Variants in DNAJA3 observed in about 807,000 individuals in gnomAD.
The protein encoded by DNAJA3 is DnaJ heat shock protein family (Hsp40) member A3.
DNAJA3 carries 29 observed loss-of-function variants against 54.9 expected under a neutral mutation model. The observed-to-expected ratio is 0.53, with a 90% CI of 0.39 to 0.72. DNAJA3 has a LOEUF of 0.72. Among genes scored for constraint, DNAJA3 ranks in the 30% least tolerant of loss-of-function variants. The probability of loss-of-function intolerance (pLI) is 0.00; values close to 1 mark genes in which losing one functional copy is unlikely to be tolerated. For synonymous variants in DNAJA3, 302 were observed against 251.4 expected, an observed-to-expected ratio of 1.20 and a Z score of -1.90; for missense variants, 708 against 639.4, an observed-to-expected ratio of 1.11 and a Z score of -1.16.
intron 1 of DNAJA3, among the ~76,000 whole-genome samples, chr16:4,429,165 G>T (rs569735175): frequency 5.3e-4 from 81 of 151,942 alleles, no homozygotes; most frequent in African/African-American, 2.0e-3. Context: ...GGGATTACAG[G>T]TGTGAGCCAC....
chr16:4,438,395 G>T (rs1173643385), intron 3 of DNAJA3, among the ~76,000 whole-genome samples: 1 of 151,750 alleles, frequency 6.6e-6, no homozygotes, highest in East Asian at 1.9e-4. Context: ...AGCTGGATTT[G>T]GGAATTCACA....
At chr16:4,455,236 C>T (rs920993602) in intron 11 of DNAJA3, among the ~76,000 whole-genome samples, 1 of 152,148 alleles carries the variant, frequency 6.6e-6, no homozygotes, top group African/African-American at 2.4e-5. Context: ...CCGGCTTGCC[C>T]ATGGTCACAG....
intron 7 of DNAJA3, 101 bp downstream of exon 7, chr16:4,444,829 T>C: frequency 9.1e-7 from 1 of 1,092,948 alleles, no homozygotes; most frequent in African/African-American, 1.6e-5. Context: ...CAGGAACATG[T>C]CTCGCCATTC....
At chr16:4,430,349 G>A (rs1301584027) in intron 1 of DNAJA3, among the ~76,000 whole-genome samples, 1 of 151,792 alleles carries the variant, frequency 6.6e-6, no homozygotes, top group African/African-American at 2.4e-5. Flanking sequence ...ATCGCCTGAG[G>A]TCAGGAGTTT....
Position 4,441,703 on chromosome 16 carries a change from T to C in DNAJA3, c.630+128T>C, listed in dbSNP as rs1048865616. The stretch of plus-strand genomic sequence containing the variant: ...ATGGAGTGATCTGGAGGCAGCCATT[T>C]TAGTAGAAAATAATTTCAGTATTTG... On this transcript the variant is annotated intron_variant, in intron 4 of 11. Coordinates refer to ENST00000262375, the MANE Select transcript of DNAJA3 (RefSeq NM_005147.6). The C allele has an allele frequency of 7.1e-6, 6 of 844,352 alleles. No homozygotes were observed. In the African/African-American group the frequency reaches 1.0e-4, roughly 15 times the overall value. 52.3% of individuals were successfully genotyped at this position (844,352 alleles called of 1,614,324 possible). A position where few individuals can be genotyped will look rare whatever the true frequency, so the allele number is the denominator to read the frequency against.
chr16:4,443,230 C>A, intron 6 of DNAJA3, 66 bp downstream of exon 6: 1 of 1,587,060 alleles, frequency 6.3e-7, no homozygotes, highest in East Asian at 2.3e-5. Flanking sequence ...GCTACCACAC[C>A]GTGTGGAGAG....
chr16:4,441,604 A>G, intron 4 of DNAJA3, 29 bp downstream of exon 4: 2 of 1,609,620 alleles, frequency 1.2e-6, no homozygotes, highest in South Asian at 2.2e-5. Flanking sequence ...AGAATTATTC[A>G]AATTTTAGAC....
In DNAJA3 at chr16:4,425,932, G is replaced by A; in HGVS notation, c.51G>A (p.Pro17=). Residue 17 remains proline, a synonymous_variant, in exon 1 of 12, where the codon CCG becomes CCA. Transcript: ENST00000262375. ...GGTTGCTGGTGGTTGTGGGGACCCC[G>A]CGGCTGCCGGCTATATCGGGTAGAG... The part of the protein sequence containing the change: ...TRWLLVVVGT[P]RLPAISGRGA... 6.4e-7 allele frequency: 1 copy of A among 1,554,316 alleles called. No homozygotes were observed.
intron 9 of DNAJA3, chr16:4,450,172 G>A (rs377614229): frequency 8.4e-6 from 4 of 477,830 alleles, no homozygotes; most frequent in African/African-American, 3.9e-5. Flanking sequence ...CATAGCCACA[G>A]TGACACTTGT....
chr16:4,443,835 T>C (rs959313388), intron 6 of DNAJA3, among the ~76,000 whole-genome samples: 5 of 151,924 alleles, frequency 3.3e-5, no homozygotes, highest in African/African-American at 9.7e-5. Context: ...TACAGGCACC[T>C]GCCACCACAC....
chr16:4,437,579 C>A, intron 3 of DNAJA3, 94 bp downstream of exon 3: 1 of 1,021,084 alleles, frequency 9.8e-7, no homozygotes, highest in Non-Finnish European at 1.5e-6. Context: ...GTGTGTCATA[C>A]AGTCCAGTGT....
At chr16:4,436,951 A>G (rs928105121) in intron 2 of DNAJA3, among the ~76,000 whole-genome samples, 1 of 152,160 alleles carries the variant, frequency 6.6e-6, no homozygotes, top group Non-Finnish European at 1.5e-5. Flanking sequence ...AGAGATGGAT[A>G]CATTAAAACA....
At chr16:4,437,631 TAAA>T (rs935979620) in intron 3 of DNAJA3, 146 bp downstream of exon 3, 1 of 626,034 alleles carries the variant, frequency 1.6e-6, no homozygotes, top group Admixed American at 3.2e-5. Flanking sequence ...TTAAGAAAAA[TAAA>T]AAAAAAGAGA....
At chr16:4,432,585 G>A (rs1486481386) in intron 1 of DNAJA3, among the ~76,000 whole-genome samples, 1 of 147,178 alleles carries the variant, frequency 6.8e-6, no homozygotes, top group African/African-American at 2.5e-5. Flanking sequence ...CAGGTGATCC[G>A]CCCGCCTTGG....
At chr16:4,441,929 G>A (rs1321194769) in intron 4 of DNAJA3, among the ~76,000 whole-genome samples, 1 of 152,220 alleles carries the variant, frequency 6.6e-6, no homozygotes, top group African/African-American at 2.4e-5. Flanking sequence ...GACACTGTCA[G>A]AGTGGAAGAG....
intron 3 of DNAJA3, among the ~76,000 whole-genome samples, chr16:4,438,526 T>A (rs959241626): frequency 2.6e-5 from 4 of 152,056 alleles, no homozygotes; most frequent in African/African-American, 9.7e-5. Context: ...CCTATAAGAA[T>A]GTCAATGTAA....
rs1468165060 is a variant in DNAJA3 at position 4,437,700 on chromosome 16, G to A, written c.429+215G>A. The A allele has an allele frequency of 8.5e-6, 4 of 470,950 alleles. No homozygotes were observed. The East Asian group carries it at 1.3e-4, about 16-fold the overall frequency. 29.2% of individuals were successfully genotyped at this position (470,950 alleles called of 1,614,324 possible). A position where few individuals can be genotyped will look rare whatever the true frequency, so the allele number is the denominator to read the frequency against. On this transcript the variant is annotated intron_variant, in intron 3 of 11. Coordinates refer to ENST00000262375, the MANE Select transcript of DNAJA3 (RefSeq NM_005147.6). Reference sequence around the variant, plus strand: ...TAGTCCTAGCACTTTGGGAAGCTGAGGCAGGAGGATCACTTGACCTCAGGA... The same window carrying A: ...TAGTCCTAGCACTTTGGGAAGCTGAAGCAGGAGGATCACTTGACCTCAGGA...
intron 1 of DNAJA3, among the ~76,000 whole-genome samples, chr16:4,428,714 C>T (rs1224513547): frequency 6.6e-6 from 1 of 152,024 alleles, no homozygotes; most frequent in East Asian, 1.9e-4. Flanking sequence ...GAGGTGGCAT[C>T]CTTCAGGGTA....
At chr16:4,450,629 G>C in intron 10 of DNAJA3, 132 bp downstream of exon 10, 1 of 683,630 alleles carries the variant, frequency 1.5e-6, no homozygotes, top group Admixed American at 3.1e-5. Context: ...GCAGTTGAAA[G>C]AGGGGGGCTG....
Sources: allele counts gnomAD v4.1 joint callset (sites outside exome capture counted in the v4.1 genomes callset), GRCh38; gene constraint gnomAD v4.1.1; transcripts MANE v1.5; gene names NCBI Gene and HGNC (gene_info 2026-07-23, HGNC 2026-07-21).